Variants in UBE2G1 observed in about 807,000 individuals in gnomAD.
The protein encoded by UBE2G1 is ubiquitin conjugating enzyme E2 G1.
Under a neutral mutation model 22.7 loss-of-function variants are expected in UBE2G1, and 5 were observed. The ratio of observed to expected loss-of-function variants is 0.22; its 90% CI spans 0.12 to 0.46. The LOEUF (loss-of-function observed/expected upper bound fraction) is 0.46, where lower values mean the gene tolerates loss of function less well. Ranked by LOEUF, UBE2G1 falls within the 20% of genes least tolerant of loss-of-function variation. The probability of loss-of-function intolerance (pLI) is 0.99; values close to 1 mark genes in which losing one functional copy is unlikely to be tolerated. For missense variants in UBE2G1, 88 were observed against 203.9 expected, an observed-to-expected ratio of 0.43 and a Z score of 3.46; for synonymous variants, 74 against 67.5, an observed-to-expected ratio of 1.10 and a Z score of -0.47.
At chr17:4,358,681 G>A (rs764669669) in intron 1 of UBE2G1, among the ~76,000 whole-genome samples, 2 of 152,178 alleles carry the variant, frequency 1.3e-5, no homozygotes, top group Non-Finnish European at 2.9e-5. Flanking sequence ...GGCTGGGCGC[G>A]TGGCTCACGC....
intron 2 of UBE2G1, among the ~76,000 whole-genome samples, chr17:4,304,498 T>C (rs1478101745): frequency 6.6e-6 from 1 of 152,160 alleles, no homozygotes; most frequent in African/African-American, 2.4e-5. Context: ...TGTAATGCTA[T>C]ATAAATATGA....
intron 5 of UBE2G1, among the ~76,000 whole-genome samples, chr17:4,281,086 T>C (rs1257540318): frequency 6.6e-6 from 1 of 152,130 alleles, no homozygotes; most frequent in Non-Finnish European, 1.5e-5. Context: ...TTACAGTACA[T>C]GCAAATCAGG....
intron 5 of UBE2G1, among the ~76,000 whole-genome samples, chr17:4,277,643 G>A (rs1410100359): frequency 6.6e-6 from 1 of 152,130 alleles, no homozygotes; most frequent in Non-Finnish European, 1.5e-5. Context: ...AATATGTGTG[G>A]GTCATGGACT....
chr17:4,284,834 C>CTTTTTTTTTTT (rs200271235), intron 4 of UBE2G1, among the ~76,000 whole-genome samples: 1 of 83,488 alleles, frequency 1.2e-5, no homozygotes, highest in Non-Finnish European at 2.3e-5. Context: ...CTTTTCTTTT[C>CTTTTTTTTTTT]TTTCTTTTTT....
intron 1 of UBE2G1, among the ~76,000 whole-genome samples, chr17:4,341,962 G>A (rs934099392): frequency 6.6e-6 from 1 of 152,136 alleles, no homozygotes. Flanking sequence ...GCTTCTTAAT[G>A]CCAGTGTGTC....
chr17:4,347,072 G>C (rs1221895311), intron 1 of UBE2G1, among the ~76,000 whole-genome samples: 1 of 152,000 alleles, frequency 6.6e-6, no homozygotes, highest in African/African-American at 2.4e-5. Flanking sequence ...AGGATCGCTT[G>C]AGCCCAGGAG....
At chr17:4,365,669 G>A (rs1970025419) in intron 1 of UBE2G1, among the ~76,000 whole-genome samples, 1 of 152,090 alleles carries the variant, frequency 6.6e-6, no homozygotes, top group Non-Finnish European at 1.5e-5. Flanking sequence ...CAGGCGAGGC[G>A]GCGATCCGCA....
intron 1 of UBE2G1, among the ~76,000 whole-genome samples, chr17:4,361,996 T>C (rs1249249314): frequency 1.4e-5 from 2 of 146,878 alleles, no homozygotes; most frequent in Non-Finnish European, 3.0e-5. Context: ...TATTTGTCAA[T>C]GATGGGTTGC....
chr17:4,366,359 G>T lies in UBE2G1; in HGVS notation c.-43C>A. ...CGGGCTGGCGCCGGGGCTTCCGAAG[G>T]GCTGGGGACAGGCTCTGGGGGCGGC... On this transcript the variant is annotated 5_prime_UTR_variant, in exon 1 of 6. Transcript: ENST00000396981. The T allele has an allele frequency of 1.3e-6, 2 of 1,499,102 alleles. No homozygotes were observed. Among genetic ancestry groups the T allele is most frequent in the Non-Finnish European group, 1.8e-6 (2 of 1,133,436 alleles). The allele number at this position is 1,499,102 out of a possible 1,614,324, so 92.9% of individuals were successfully genotyped here.
At chr17:4,304,590 T>C (rs2143727228) in intron 2 of UBE2G1, among the ~76,000 whole-genome samples, 1 of 152,174 alleles carries the variant, frequency 6.6e-6, no homozygotes, top group South Asian at 2.1e-4. Flanking sequence ...TCACATAGAC[T>C]GAAAAGAGAG....
intron 3 of UBE2G1, among the ~76,000 whole-genome samples, chr17:4,293,332 C>A (rs1969066720): frequency 1.3e-5 from 2 of 152,138 alleles, no homozygotes; most frequent in Non-Finnish European, 2.9e-5. Context: ...TCTTTCTTTT[C>A]TTTAGAAAAC....
chr17:4,363,950 CAAAAAAAAA>C (rs1195720643), intron 1 of UBE2G1, among the ~76,000 whole-genome samples: 21 of 43,886 alleles, frequency 4.8e-4, no homozygotes, highest in African/African-American at 1.4e-3. Context: ...GACTCCGTCT[CAAAAAAAAA>C]AAAAAAAAAA....
intron 1 of UBE2G1, among the ~76,000 whole-genome samples, chr17:4,313,621 G>C (rs983793471): frequency 1.7e-4 from 26 of 151,732 alleles, no homozygotes; most frequent in Non-Finnish European, 2.9e-5. Flanking sequence ...CAGGACGATA[G>C]TATTTCTCTC....
chr17:4,295,817 CA>C (rs1408407657), intron 3 of UBE2G1, among the ~76,000 whole-genome samples: 1 of 149,416 alleles, frequency 6.7e-6, no homozygotes, highest in Non-Finnish European at 1.5e-5. Context: ...GGCTTATATA[CA>C]GGGGAGAGAG....
chr17:4,314,967 T>G (rs545412795), intron 1 of UBE2G1, among the ~76,000 whole-genome samples: 22 of 152,326 alleles, frequency 1.4e-4, no homozygotes, highest in Admixed American at 5.9e-4. Context: ...TTATGACGAT[T>G]ATGACACAAA....
At chr17:4,298,044 C>T (rs1251453319) in intron 2 of UBE2G1, among the ~76,000 whole-genome samples, 1 of 152,150 alleles carries the variant, frequency 6.6e-6, no homozygotes, top group African/African-American at 2.4e-5. Flanking sequence ...ATTTTAGTGG[C>T]AGAAGGAAAA....
intron 1 of UBE2G1, among the ~76,000 whole-genome samples, chr17:4,316,640 A>T (rs1226505837): frequency 6.6e-6 from 1 of 152,166 alleles, no homozygotes; most frequent in Non-Finnish European, 1.5e-5. Flanking sequence ...TAAAATTAGA[A>T]TTTTTTATTT....
intron 4 of UBE2G1, among the ~76,000 whole-genome samples, chr17:4,286,018 G>C (rs917476734): frequency 6.6e-6 from 1 of 151,900 alleles, no homozygotes; most frequent in Non-Finnish European, 1.5e-5. Flanking sequence ...GAAAAATGCG[G>C]GTTTCCTGGA....
chr17:4,307,573 C>G (rs908210989), intron 1 of UBE2G1, among the ~76,000 whole-genome samples: 11 of 152,224 alleles, frequency 7.2e-5, no homozygotes, highest in Non-Finnish European at 1.2e-4. Context: ...TTCATTTATA[C>G]TAACATTTGT....
Sources: allele counts gnomAD v4.1 joint callset (sites outside exome capture counted in the v4.1 genomes callset), GRCh38; gene constraint gnomAD v4.1.1; transcripts MANE v1.5; gene names NCBI Gene and HGNC (gene_info 2026-07-23, HGNC 2026-07-21).